The following KALRN variants were observed in gnomAD, a reference collection of about 807,000 sequenced individuals.
The protein encoded by KALRN is kalirin RhoGEF kinase, also known as kalirin.
In KALRN, 70 loss-of-function variants were observed where a neutral mutation model predicts 353.7. That is an observed-to-expected ratio of 0.20 (90% CI 0.16 to 0.24). The LOEUF (loss-of-function observed/expected upper bound fraction) is 0.24. Ranked by LOEUF, KALRN falls within the 10% of genes least tolerant of loss-of-function variation. The pLI, the probability that KALRN is intolerant of heterozygous loss-of-function variation, is 1.00. For missense variants in KALRN, 2,791 were observed against 3,756.7 expected (o/e 0.74, Z 6.72); for synonymous variants, 1,391 against 1,434.8 (o/e 0.97, Z 0.69).
At position 124,724,639 on chromosome 3, in the gene KALRN, G is replaced by A. The variant is rs997176633; in HGVS notation, c.*5169G>A. 1 of 152,066 alleles carries A rather than the reference G, an allele frequency of 6.6e-6. No homozygotes were observed. Among genetic ancestry groups the A allele is most frequent in the Non-Finnish European group, 1.5e-5 (1 of 67,990 alleles). The allele number at this position is 152,066 out of a possible 1,614,324, so 9.4% of individuals were successfully genotyped here. A position where few individuals can be genotyped will look rare whatever the true frequency, so the allele number is the denominator to read the frequency against. On this transcript the variant is annotated 3_prime_UTR_variant, in exon 60 of 60. Transcript: ENST00000682506. ...TTCATTAATTCTAAAGGGTTAAAAA[G>A]GGCTGAAATTTGTTTATAGCACTAA...
chr3:124,426,750 C>G (rs2093039328), intron 15 of KALRN, among the ~76,000 whole-genome samples: 1 of 152,164 alleles, frequency 6.6e-6, no homozygotes, highest in Non-Finnish European at 1.5e-5. Flanking sequence ...CCAAATTACT[C>G]TCCAAACCCG....
At chr3:124,482,390 GA>G (rs1168727621) in intron 27 of KALRN, among the ~76,000 whole-genome samples, 1 of 152,168 alleles carries the variant, frequency 6.6e-6, no homozygotes, top group African/African-American at 2.4e-5. Context: ...GGAGCCATCA[GA>G]ATAGATGTCA....
chr3:124,066,045 C>T (rs1214020409), intron 1 of KALRN, among the ~76,000 whole-genome samples: 1 of 152,110 alleles, frequency 6.6e-6, no homozygotes, highest in South Asian at 2.1e-4. Context: ...ATACCCTTTT[C>T]CCTGGGAGGG....
At position 124,656,233 on chromosome 3, in the gene KALRN, GA is replaced by G. The variant is rs879342189; in HGVS notation, c.5862+577del. ...TTAAGAGGGACTTAGACACTTGGAT[GA>G]AAAAAAAAAAGCCTGAGAAAGTAAA... On this transcript the variant is annotated intron_variant, in intron 39 of 59. Coordinates refer to ENST00000682506, the MANE Select transcript of KALRN (RefSeq NM_001388419.1). Among the ~76,000 whole-genome samples, 1,382 of 143,808 alleles carry G rather than the reference GA, an allele frequency of 9.6e-3. 20 individuals are homozygous for G. The highest frequency in any genetic ancestry group is 0.035 in the Middle Eastern group (10 of 284). 94.3% of individuals were successfully genotyped at this position (143,808 alleles called of 152,430 possible).
intron 51 of KALRN, among the ~76,000 whole-genome samples, chr3:124,685,263 C>T (rs369095131): frequency 3.3e-5 from 5 of 152,000 alleles, no homozygotes; most frequent in South Asian, 2.1e-4. Flanking sequence ...CCATGCAGAC[C>T]GATTTATATT....
chr3:124,086,752 A>G (rs1043427369), intron 1 of KALRN, among the ~76,000 whole-genome samples: 3 of 152,190 alleles, frequency 2.0e-5, no homozygotes, highest in African/African-American at 7.2e-5. Flanking sequence ...AGGTCTTTAT[A>G]TGACCCCTAT....
chr3:124,559,980 A>G (rs2071758142), intron 33 of KALRN, among the ~76,000 whole-genome samples: 1 of 152,024 alleles, frequency 6.6e-6, no homozygotes, highest in African/African-American at 2.4e-5. Flanking sequence ...TCTTGTTTCC[A>G]CTTCTTCCTT....
At chr3:124,111,515 G>A (rs1049173949) in intron 1 of KALRN, among the ~76,000 whole-genome samples, 2 of 152,152 alleles carry the variant, frequency 1.3e-5, no homozygotes, top group Non-Finnish European at 2.9e-5. Flanking sequence ...CAAAATGTGG[G>A]TCTGTAAGCA....
intron 37 of KALRN, among the ~76,000 whole-genome samples, chr3:124,647,072 T>C (rs1463784447): frequency 6.6e-6 from 1 of 152,140 alleles, no homozygotes; most frequent in Non-Finnish European, 1.5e-5. Flanking sequence ...ATTTTAATTT[T>C]AATTTTTTTA....
chr3:124,385,648 G>A (rs540023871), intron 11 of KALRN, among the ~76,000 whole-genome samples: 102 of 152,182 alleles, frequency 6.7e-4, no homozygotes, highest in Non-Finnish European at 1.1e-3. Flanking sequence ...GAAGCTGGCT[G>A]GGCTTGAAGC....
chr3:124,223,395 C>T (rs1262850493), intron 1 of KALRN, among the ~76,000 whole-genome samples: 2 of 152,104 alleles, frequency 1.3e-5, no homozygotes, highest in African/African-American at 2.4e-5. Flanking sequence ...AGTAAGGCTT[C>T]TATACTGGAC....
intron 1 of KALRN, among the ~76,000 whole-genome samples, chr3:124,176,282 C>T (rs1354888475): frequency 9.9e-5 from 15 of 152,136 alleles, no homozygotes. Context: ...TCCCAGGGAA[C>T]CCACCCTGAG....
chr3:124,404,387 T>C (rs566940), intron 13 of KALRN, among the ~76,000 whole-genome samples: 138,061 of 151,966 alleles, frequency 0.91, 63,491 homozygotes, highest in Non-Finnish European at 0.99. Flanking sequence ...TAGGACATGG[T>C]CTCTAGTCAC....
chr3:124,429,580 G>A (rs2093180404), intron 15 of KALRN, among the ~76,000 whole-genome samples: 2 of 152,166 alleles, frequency 1.3e-5, no homozygotes, highest in African/African-American at 4.8e-5. Context: ...CCAGACACCA[G>A]GTAGGTTTTC....
chr3:124,377,361 A>C (rs2086729004), intron 10 of KALRN, among the ~76,000 whole-genome samples: 1 of 152,194 alleles, frequency 6.6e-6, no homozygotes, highest in East Asian at 1.9e-4. Context: ...GTATTCTGGT[A>C]ATATTTCTGT....
intron 34 of KALRN, among the ~76,000 whole-genome samples, chr3:124,585,444 G>A (rs1296694466): frequency 6.6e-6 from 1 of 152,200 alleles, no homozygotes; most frequent in Non-Finnish European, 1.5e-5. Context: ...GGCCAGCGTG[G>A]ATTTGTAGCT....
chr3:124,287,774 T>TAG (rs2076052055), intron 5 of KALRN, among the ~76,000 whole-genome samples: 1 of 1,410 alleles, frequency 7.1e-4, no homozygotes, highest in South Asian at 0.056. Flanking sequence ...TAGGAAGATA[T>TAG]ATATATATAT....
chr3:124,264,766 C>G, intron 4 of KALRN, 76 bp downstream of exon 4: 1 of 1,262,100 alleles, frequency 7.9e-7, no homozygotes, highest in South Asian at 1.3e-5. Flanking sequence ...ACGTCCTCTT[C>G]TCTATCTACC....
At chr3:124,258,781 A>G (rs959250774) in intron 3 of KALRN, among the ~76,000 whole-genome samples, 4 of 152,256 alleles carry the variant, frequency 2.6e-5, no homozygotes, top group Admixed American at 6.5e-5. Flanking sequence ...TATGAAATAT[A>G]CAATTGGCCC....
Sources: allele counts gnomAD v4.1 joint callset (sites outside exome capture counted in the v4.1 genomes callset), GRCh38; gene constraint gnomAD v4.1.1; transcripts MANE v1.5; gene names NCBI Gene and HGNC (gene_info 2026-07-23, HGNC 2026-07-21).